Variants in SLCO2B1 observed in about 807,000 individuals in gnomAD.
SLCO2B1 encodes the protein solute carrier organic anion transporter family member 2B1.
Under a neutral mutation model 67.3 loss-of-function variants are expected in SLCO2B1, and 41 were observed. The ratio of observed to expected loss-of-function variants is 0.61; its 90% CI spans 0.47 to 0.79. The LOEUF (loss-of-function observed/expected upper bound fraction) is 0.79, where lower values mean the gene tolerates loss of function less well. SLCO2B1 is among the 30% of genes least tolerant of loss of function. The pLI is 0.00. For missense variants in SLCO2B1, 837 were observed against 920.1 expected (o/e 0.91, Z 1.17); for synonymous variants, 379 against 381.4 (o/e 0.99, Z 0.07).
Position 75,162,687 on chromosome 11 carries a change from A to C in SLCO2B1, c.49A>C (p.Lys17Gln). 2 of 1,613,818 alleles carry C rather than the reference A, an allele frequency of 1.2e-6. No individual in the cohort carries two copies. The highest frequency in any genetic ancestry group is 1.7e-6 in the Non-Finnish European group (2 of 1,179,944). ...PAGEVPQVPD[K>Q]ETKATMGTEN... ...GGGTGAGGTACCCCAGGTACCAGAC[A>C]AGGAAACCAAAGCCACAATGGGCAC... Residue 17 changes from lysine to glutamine, a missense_variant, in exon 2 of 14, where the codon AAG (lysine) becomes CAG (glutamine). Physicochemically the swap from Lys to Gln is moderately conservative, Grantham distance 53. Coordinates refer to ENST00000289575, the MANE Select transcript of SLCO2B1 (RefSeq NM_007256.5).
chr11:75,179,007 T>C (rs956766184), intron 7 of SLCO2B1, among the ~76,000 whole-genome samples: 5 of 152,184 alleles, frequency 3.3e-5, no homozygotes, highest in Non-Finnish European at 7.3e-5. Flanking sequence ...TCTTTATCCA[T>C]TCATCCATTG....
intron 1 of SLCO2B1, among the ~76,000 whole-genome samples, chr11:75,157,842 G>C (rs57962126): frequency 1.3e-5 from 2 of 152,026 alleles, no homozygotes; most frequent in Admixed American, 6.5e-5. Context: ...CATAGAGATG[G>C]GGTATCACCA....
In SLCO2B1 at chr11:75,180,650, G is replaced by T. The variant is rs113716656; in HGVS notation, c.973-7486G>T. ...CTACTTGCACTATAGTCTATAAAAG[G>T]TTTGAGACAGCTCACACCACACAAA... On this transcript the variant is annotated intron_variant, in intron 7 of 13. Coordinates refer to ENST00000289575, the MANE Select transcript of SLCO2B1 (RefSeq NM_007256.5). Among the ~76,000 whole-genome samples the T allele has an allele frequency of 5.6e-3, 846 of 152,294 alleles. 10 individuals carry two copies. Among genetic ancestry groups the T allele is most frequent in the African/African-American group, 0.019 (803 of 41,558 alleles).
intron 7 of SLCO2B1, among the ~76,000 whole-genome samples, chr11:75,172,797 T>C (rs868328024): frequency 6.6e-6 from 1 of 151,986 alleles, no homozygotes; most frequent in African/African-American, 2.4e-5. Context: ...GGCATGGTGG[T>C]GGGCACCTGT....
rs922910595 is a variant in SLCO2B1 at position 75,200,623 on chromosome 11, T to G, written c.1763+236T>G. On this transcript the variant is annotated intron_variant, in intron 11 of 13. Transcript: ENST00000289575. The stretch of plus-strand genomic sequence containing the variant: ...AGTTCAGGAGCTGGCCCCCATCACA[T>G]AGCAAGTGTTGGGTGGAATAGTACT... 7 of 442,870 alleles carry G rather than the reference T, an allele frequency of 1.6e-5. No homozygotes were observed. In the Admixed American group the frequency reaches 2.4e-4, roughly 15 times the overall value. The allele number at this position is 442,870 out of a possible 1,614,324, so 27.4% of individuals were successfully genotyped here. A position where few individuals can be genotyped will look rare whatever the true frequency, so the allele number is the denominator to read the frequency against.
chr11:75,155,366 C>T (rs1949735130), intron 1 of SLCO2B1, among the ~76,000 whole-genome samples: 1 of 152,152 alleles, frequency 6.6e-6, no homozygotes, highest in Admixed American at 6.5e-5. Flanking sequence ...ATGCTGCCCC[C>T]ATCCCAACTC....
intron 8 of SLCO2B1, among the ~76,000 whole-genome samples, chr11:75,189,964 A>G (rs1418381069): frequency 7.3e-6 from 1 of 137,704 alleles, no homozygotes; most frequent in Non-Finnish European, 1.6e-5. Context: ...CCTGTCTGGA[A>G]AAAAAAAAAA....
intron 4 of SLCO2B1, among the ~76,000 whole-genome samples, chr11:75,168,173 A>C (rs1427419638): frequency 6.6e-6 from 1 of 152,132 alleles, no homozygotes; most frequent in African/African-American, 2.4e-5. Context: ...GATTACAGGC[A>C]TGAGCCACAG....
chr11:75,186,633 G>A (rs1342128497), intron 7 of SLCO2B1, among the ~76,000 whole-genome samples: 5 of 152,030 alleles, frequency 3.3e-5, no homozygotes, highest in Admixed American at 2.0e-4. Context: ...AACTACAGCC[G>A]CGAACCATCA....
chr11:75,163,197 G>A (rs930263291), intron 2 of SLCO2B1, among the ~76,000 whole-genome samples: 1 of 152,180 alleles, frequency 6.6e-6, no homozygotes, highest in Non-Finnish European at 1.5e-5. Context: ...CCACTCACAC[G>A]TGATCTTATT....
chr11:75,183,252 C>T (rs983713201), intron 7 of SLCO2B1, among the ~76,000 whole-genome samples: 4 of 151,910 alleles, frequency 2.6e-5, no homozygotes, highest in Non-Finnish European at 4.4e-5. Flanking sequence ...TTTTTTCATA[C>T]TAAGTCTTCA....
chr11:75,187,443 A>G (rs1944953397), intron 7 of SLCO2B1, among the ~76,000 whole-genome samples: 1 of 152,178 alleles, frequency 6.6e-6, no homozygotes, highest in Non-Finnish European at 1.5e-5. Context: ...ATCCAAGAGG[A>G]GCAGTGACAG....
intron 11 of SLCO2B1, 93 bp from the exon 12 acceptor site, chr11:75,202,808 G>C (rs1473846609): frequency 1.8e-6 from 2 of 1,094,948 alleles, no homozygotes; most frequent in African/African-American, 3.1e-5. Flanking sequence ...TGGTGGGAGA[G>C]AAGGGCATAA....
intron 7 of SLCO2B1, among the ~76,000 whole-genome samples, chr11:75,176,695 C>T (rs77435242): frequency 0.056 from 8,480 of 152,234 alleles, 325 homozygotes; most frequent in Middle Eastern, 0.12. Context: ...TGTGAGGTGG[C>T]AATGGTCCTT....
chr11:75,189,933 G>A (rs1046563813), intron 8 of SLCO2B1, among the ~76,000 whole-genome samples: 1 of 149,808 alleles, frequency 6.7e-6, no homozygotes, highest in African/African-American at 2.5e-5. Context: ...CTGCGCTCCA[G>A]CCTGGGTGAC....
intron 7 of SLCO2B1, 81 bp downstream of exon 7, chr11:75,172,650 C>A: frequency 1.5e-6 from 2 of 1,329,872 alleles, no homozygotes; most frequent in Non-Finnish European, 2.1e-6. Flanking sequence ...TACACTTCGG[C>A]TGGGCGTGGT....
At chr11:75,198,705 A>C (rs1945139567) in intron 10 of SLCO2B1, among the ~76,000 whole-genome samples, 1 of 152,200 alleles carries the variant, frequency 6.6e-6, no homozygotes, top group African/African-American at 2.4e-5. Context: ...ACTGGCCTGG[A>C]ATCGTGTCTT....
chr11:75,202,908 A>T lies in SLCO2B1; in HGVS notation c.1771A>T (p.Lys591Ter). 4 of 1,613,776 alleles carry T rather than the reference A, an allele frequency of 2.5e-6. No individual in the cohort carries two copies. The highest frequency in any genetic ancestry group is 3.4e-6 in the Non-Finnish European group (4 of 1,179,904). Residue 591 changes from lysine (K) to a stop codon, truncating the protein, a stop_gained, in exon 12 of 14, where the codon AAG (lysine) becomes TAG (stop). Transcript: ENST00000289575. LOFTEE classifies it high-confidence loss of function. ...PSFMLILRGV[K>*]KEDKTLAVGI... Reference sequence around the variant, plus strand: ...CATGTCTCTGCTTGTTAGAGGAGTGAAGAAAGAAGACAAGACTTTGGCTGT... The same window carrying T: ...CATGTCTCTGCTTGTTAGAGGAGTGTAGAAAGAAGACAAGACTTTGGCTGT...
Position 75,163,978 on chromosome 11 carries a change from C to A in SLCO2B1, c.163C>A (p.His55Asn). Residue 55 changes from histidine (H) to asparagine (N), a missense_variant, in exon 3 of 14, where the codon CAC (histidine) becomes AAC (asparagine). Physicochemically the swap from His to Asn is moderately conservative, Grantham distance 68 (BLOSUM62 1). Transcript: ENST00000289575. Reference sequence around the variant, plus strand: ...CCCCCCACAGCTGTTCGTTCTGTGCCACAGCCTGCTGCAGCTGGCGCAGCT... The same window carrying A: ...CCCCCCACAGCTGTTCGTTCTGTGCAACAGCCTGCTGCAGCTGGCGCAGCT... ...FHNIKLFVLC[H>N]SLLQLAQLMI... 6.2e-7 allele frequency: 1 copy of A among 1,602,190 alleles called. No individual in the cohort carries two copies. The highest frequency in any genetic ancestry group is 2.3e-5 in the East Asian group (1 of 44,026).
Sources: allele counts gnomAD v4.1 joint callset (sites outside exome capture counted in the v4.1 genomes callset), GRCh38; gene constraint gnomAD v4.1.1; transcripts MANE v1.5; gene names NCBI Gene and HGNC (gene_info 2026-07-23, HGNC 2026-07-21).